Variants in KYNU observed in about 807,000 individuals in gnomAD.
KYNU encodes the protein L-kynurenine hydrolase.
KYNU carries 54 observed loss-of-function variants against 59.2 expected under a neutral mutation model. The ratio of observed to expected loss-of-function variants is 0.91; its 90% CI spans 0.73 to 1.14. The LOEUF (loss-of-function observed/expected upper bound fraction) is 1.14, where lower values mean the gene tolerates loss of function less well. Among genes scored for constraint, KYNU ranks in the 50% most tolerant of loss-of-function variants. KYNU has a pLI of 0.00. For missense variants in KYNU, 567 were observed against 554.4 expected (o/e 1.02, Z -0.23); for synonymous variants, 177 against 192.0 (o/e 0.92, Z 0.65).
At chr2:142,999,430 C>G (rs1475032369) in intron 10 of KYNU, among the ~76,000 whole-genome samples, 1 of 152,060 alleles carries the variant, frequency 6.6e-6, no homozygotes, top group African/African-American at 2.4e-5. Context: ...ATTATTAAAA[C>G]AACTAAAAGA....
At position 142,988,938 on chromosome 2, in the gene KYNU, A is replaced by G. The variant is rs1449274437; in HGVS notation, c.902+2917A>G. The G allele has an allele frequency of 4.0e-6, 6 of 1,501,548 alleles. No homozygotes were observed. In the African/African-American group the frequency reaches 8.3e-5, roughly 21 times the overall value. The allele number at this position is 1,501,548 out of a possible 1,614,324, so 93.0% of individuals were successfully genotyped here. A position where few individuals can be genotyped will look rare whatever the true frequency, so the allele number is the denominator to read the frequency against. On this transcript the variant is annotated intron_variant, in intron 10 of 13. Coordinates refer to ENST00000264170, the MANE Select transcript of KYNU (RefSeq NM_003937.3). The stretch of plus-strand genomic sequence containing the variant: ...CAGTCATCACTTCATTGTCCCTGAT[A>G]GGAAAAGAAATGTTTTGCTGAAACT...
At chr2:142,994,884 T>C (rs1573881349) in intron 10 of KYNU, among the ~76,000 whole-genome samples, 2 of 152,240 alleles carry the variant, frequency 1.3e-5, no homozygotes, top group African/African-American at 2.4e-5. Flanking sequence ...GAAGCGGGTA[T>C]GATTTGCAAA....
intron 3 of KYNU, among the ~76,000 whole-genome samples, chr2:142,926,196 T>G (rs1303405085): frequency 2.0e-5 from 3 of 151,732 alleles, no homozygotes; most frequent in African/African-American, 7.3e-5. Flanking sequence ...GGTTGATGGG[T>G]GCAGCAAACC....
intron 2 of KYNU, among the ~76,000 whole-genome samples, chr2:142,913,729 T>A (rs1033738983): frequency 2.0e-5 from 3 of 152,212 alleles, no homozygotes. Flanking sequence ...AGTGTTGAAT[T>A]GAAGTCTAAA....
intron 8 of KYNU, among the ~76,000 whole-genome samples, chr2:142,974,732 C>T (rs1287117314): frequency 3.3e-5 from 5 of 152,158 alleles, no homozygotes; most frequent in Admixed American, 1.3e-4. Flanking sequence ...GTGAAATAAA[C>T]ATAGCTCAAG....
intron 8 of KYNU, among the ~76,000 whole-genome samples, chr2:142,968,143 T>G (rs1226039275): frequency 6.6e-6 from 1 of 152,154 alleles, no homozygotes; most frequent in African/African-American, 2.4e-5. Flanking sequence ...AACCATAGAA[T>G]AGCATGCATT....
chr2:142,999,936 T>C (rs1485072119), intron 10 of KYNU, among the ~76,000 whole-genome samples: 3 of 152,138 alleles, frequency 2.0e-5, no homozygotes, highest in Non-Finnish European at 4.4e-5. Context: ...TCTTACCAAG[T>C]TGCAATTTTT....
chr2:143,019,716 G>T (rs1686355477), intron 10 of KYNU, among the ~76,000 whole-genome samples: 1 of 152,096 alleles, frequency 6.6e-6, no homozygotes, highest in South Asian at 2.1e-4. Context: ...ATTTGAAATA[G>T]TTTGAGTAGA....
intron 10 of KYNU, among the ~76,000 whole-genome samples, chr2:143,021,310 A>G (rs1686400592): frequency 6.6e-6 from 1 of 152,070 alleles, no homozygotes; most frequent in Non-Finnish European, 1.5e-5. Context: ...AATGAGTTAT[A>G]TATTGTTTTT....
intron 4 of KYNU, among the ~76,000 whole-genome samples, chr2:142,938,847 G>A (rs550004012): frequency 5.3e-5 from 8 of 152,086 alleles, no homozygotes; most frequent in African/African-American, 1.9e-4. Context: ...AGGGGGCCAG[G>A]CATAGTGGCT....
rs557142303 is a variant in KYNU at position 142,946,075 on chromosome 2, TG to T, written c.374-8734del. On this transcript the variant is annotated intron_variant, in intron 4 of 13. Coordinates refer to ENST00000264170, the MANE Select transcript of KYNU (RefSeq NM_003937.3). ...ATTTTTAACTTTAATTTTTGTATTTTGTTTTTTATTTTTATTTTTTATTTTT... is the reference window on the plus strand; with the variant it reads ...ATTTTTAACTTTAATTTTTGTATTTTTTTTTTATTTTTATTTTTTATTTTT... 8.2e-3 allele frequency among the ~76,000 whole-genome samples: 1,242 copies of T among 151,972 alleles called. 10 individuals carry two copies. Among genetic ancestry groups the T allele is most frequent in the African/African-American group, 0.029 (1,192 of 41,456 alleles).
chr2:142,980,225 TAGCTTATAATG>T (rs1231621468), intron 8 of KYNU, among the ~76,000 whole-genome samples: 3 of 144,548 alleles, frequency 2.1e-5, no homozygotes, highest in East Asian at 1.9e-4. Context: ...TGCTAATAAT[TAGCTTATAATG>T]AGCTTATAAT....
At chr2:143,026,110 A>G (rs1686546512) in intron 10 of KYNU, among the ~76,000 whole-genome samples, 1 of 152,230 alleles carries the variant, frequency 6.6e-6, no homozygotes, top group Admixed American at 6.5e-5. Flanking sequence ...AATAAAGCAT[A>G]AATTAAAATA....
chr2:143,030,537 G>A (rs1249193568), intron 11 of KYNU, among the ~76,000 whole-genome samples: 5 of 152,126 alleles, frequency 3.3e-5, no homozygotes. Context: ...GTACAGTGGT[G>A]CGATCAGGCT....
intron 4 of KYNU, among the ~76,000 whole-genome samples, chr2:142,946,235 G>A (rs1471199886): frequency 2.6e-5 from 4 of 151,582 alleles, no homozygotes; most frequent in South Asian, 2.1e-4. Context: ...AGGTACAAGC[G>A]ACCATGCCTG....
At chr2:142,924,959 T>C (rs1219402396) in intron 3 of KYNU, among the ~76,000 whole-genome samples, 1 of 152,190 alleles carries the variant, frequency 6.6e-6, no homozygotes, top group Non-Finnish European at 1.5e-5. Context: ...GCAGACTCTG[T>C]GTGGTATTTT....
chr2:143,047,008 T>A lies in KYNU; in HGVS notation c.*4836T>A, dbSNP rs1687176915. 6.6e-6 allele frequency: 1 copy of A among 152,168 alleles called. No individual in the cohort carries two copies. The highest frequency in any genetic ancestry group is 1.5e-5 in the Non-Finnish European group (1 of 68,026). 9.4% of individuals were successfully genotyped at this position (152,168 alleles called of 1,614,324 possible). ...ATTTTCTCTATTATGGAAACGCACA[T>A]TTATAGTTTGACAAATTCCTAAGTA... On this transcript the variant is annotated 3_prime_UTR_variant, in exon 14 of 14. Transcript: ENST00000264170.
intron 2 of KYNU, among the ~76,000 whole-genome samples, chr2:142,895,990 T>C (rs1039512542): frequency 1.7e-4 from 26 of 152,236 alleles, no homozygotes; most frequent in Non-Finnish European, 3.1e-4. Flanking sequence ...CCAGGTCTCA[T>C]ATATTCTTTC....
At chr2:142,889,289 C>A (rs1205654572) in intron 2 of KYNU, among the ~76,000 whole-genome samples, 1 of 152,064 alleles carries the variant, frequency 6.6e-6, no homozygotes, top group South Asian at 2.1e-4. Context: ...TATGATCTAA[C>A]CGTAATCAAC....
Sources: gnomAD v4.1 joint callset for allele counts (sites outside exome capture counted in the v4.1 genomes callset) on GRCh38, gnomAD v4.1.1 for gene constraint, MANE v1.5 for transcripts, NCBI Gene and HGNC (gene_info 2026-07-23, HGNC 2026-07-21) for gene names.